Variants in MTA1 observed in about 807,000 individuals in gnomAD.
MTA1 encodes metastasis-associated protein MTA1.
MTA1 carries 15 observed loss-of-function variants against 97.0 expected under a neutral mutation model. That is an observed-to-expected ratio of 0.15 (90% CI 0.10 to 0.24). The LOEUF (loss-of-function observed/expected upper bound fraction) is 0.24, where lower values mean the gene tolerates loss of function less well. Ranked by LOEUF, MTA1 falls within the 10% of genes least tolerant of loss-of-function variation. The probability of loss-of-function intolerance (pLI) is 1.00; values close to 1 mark genes in which losing one functional copy is unlikely to be tolerated. For missense variants in MTA1, 709 were observed against 1,015.1 expected, an observed-to-expected ratio of 0.70 and a Z score of 4.10; for synonymous variants, 435 against 417.5, an observed-to-expected ratio of 1.04 and a Z score of -0.51.
chr14:105,448,066 C>G (rs962542383), intron 3 of MTA1, among the ~76,000 whole-genome samples: 14 of 152,262 alleles, frequency 9.2e-5, no homozygotes, highest in Admixed American at 2.0e-4. Context: ...GCCCTCCCCC[C>G]GGCAGGGCTG....
intron 7 of MTA1, 119 bp downstream of exon 7, chr14:105,454,429 G>A (rs910222080): frequency 4.1e-6 from 3 of 723,434 alleles, no homozygotes; most frequent in South Asian, 1.5e-5. Context: ...GACTGGGGGC[G>A]GCAGGTGTAG....
intron 2 of MTA1, among the ~76,000 whole-genome samples, chr14:105,439,978 C>T (rs782391690): frequency 3.9e-5 from 6 of 152,198 alleles, no homozygotes; most frequent in Admixed American, 6.5e-5. Flanking sequence ...CTCCGGGCTT[C>T]CCTGGCTGCG....
At chr14:105,437,037 G>T (rs1320443590) in intron 1 of MTA1, among the ~76,000 whole-genome samples, 2 of 152,212 alleles carry the variant, frequency 1.3e-5, no homozygotes, top group Admixed American at 6.5e-5. Flanking sequence ...GGGCACCGTG[G>T]CTGTGTCCCC....
chr14:105,469,208 GGTCCAA>G, intron 18 of MTA1: 1 of 613,252 alleles, frequency 1.6e-6, no homozygotes, highest in Non-Finnish European at 3.0e-6. Flanking sequence ...GTGACTGTCG[GGTCCAA>G]GGCTCCTGGC....
chr14:105,424,219 G>A lies in MTA1; in HGVS notation c.28+4156G>A, dbSNP rs2081940013. Among the ~76,000 whole-genome samples, 1 of 152,212 alleles carries A rather than the reference G, an allele frequency of 6.6e-6. No homozygotes were observed. Among genetic ancestry groups the A allele is most frequent in the African/African-American group, 2.4e-5 (1 of 41,460 alleles). ...GCTCCACCTTTGTTTTTTTGAGACG[G>A]AGTCTCGCTCTGTCCCCCAGGCTGG... On this transcript the variant is annotated intron_variant, in intron 1 of 20. Coordinates refer to ENST00000331320, the MANE Select transcript of MTA1 (RefSeq NM_004689.4). This position sits in a 1 kb window ranked among gnomAD's most constrained non-coding sequence, Gnocchi z 4.0.
At position 105,450,047 on chromosome 14, in the gene MTA1, T is replaced by C; in HGVS notation, c.242-11T>C. On this transcript the variant is annotated splice_polypyrimidine_tract_variant and intron_variant, in intron 4 of 20. Coordinates refer to ENST00000331320, the MANE Select transcript of MTA1 (RefSeq NM_004689.4). Reference sequence around the variant, plus strand: ...CTGCCGCGGTGCTGACAGGGGCTCCTTGTCCTTCAGGGGAAATAGAAGAGG... The same window carrying C: ...CTGCCGCGGTGCTGACAGGGGCTCCCTGTCCTTCAGGGGAAATAGAAGAGG... 6.2e-7 allele frequency: 1 copy of C among 1,613,442 alleles called. No individual in the cohort carries two copies.
At chr14:105,427,519 T>C (rs1474286727) in intron 1 of MTA1, among the ~76,000 whole-genome samples, 2 of 152,206 alleles carry the variant, frequency 1.3e-5, no homozygotes, top group Non-Finnish European at 2.9e-5. Flanking sequence ...ATAATAATTA[T>C]AAAGTTCTTT....
At chr14:105,443,260 G>A (rs2082604406) in intron 2 of MTA1, among the ~76,000 whole-genome samples, 1 of 152,202 alleles carries the variant, frequency 6.6e-6, no homozygotes, top group African/African-American at 2.4e-5. Context: ...AGATACAGAT[G>A]CGAAGGGGAG....
intron 3 of MTA1, 23 bp downstream of exon 3, chr14:105,445,534 T>C: frequency 6.2e-7 from 1 of 1,612,078 alleles, no homozygotes; most frequent in Non-Finnish European, 8.5e-7. Context: ...TTCCCTGGGG[T>C]GCCCGCCTGG....
At position 105,449,099 on chromosome 14, in the gene MTA1, G is replaced by A; in HGVS notation, c.191-260G>A. ...TGGAGTGGGGGCAGGGGTGGCCTCTGGACAGGGGCCCTCCACAGCCAGGCT... is the reference window on the plus strand; with the variant it reads ...TGGAGTGGGGGCAGGGGTGGCCTCTAGACAGGGGCCCTCCACAGCCAGGCT... On this transcript the variant is annotated intron_variant, in intron 3 of 20. Coordinates refer to ENST00000331320, the MANE Select transcript of MTA1 (RefSeq NM_004689.4). 6 of 484,650 alleles carry A rather than the reference G, an allele frequency of 1.2e-5. No homozygotes were observed. In the South Asian group the frequency reaches 1.8e-4, roughly 14 times the overall value. The allele number at this position is 484,650 out of a possible 1,614,324, so 30.0% of individuals were successfully genotyped here.
rs991205755 is a variant in MTA1, at chr14:105,424,716, G to A, written c.28+4653G>A. Among the ~76,000 whole-genome samples the A allele has an allele frequency of 1.3e-5, 2 of 150,476 alleles. No individual in the cohort carries two copies. Among genetic ancestry groups the A allele is most frequent in the Non-Finnish European group, 3.0e-5 (2 of 67,726 alleles). On this transcript the variant is annotated intron_variant, in intron 1 of 20. Coordinates refer to ENST00000331320, the MANE Select transcript of MTA1 (RefSeq NM_004689.4). The surrounding 1 kb of genome is among the most constrained non-coding windows in gnomAD (Gnocchi z 4.0). ...TCACCATCTAGGCCAGGCTGGTCTC[G>A]AACTCCTGACCTCAAGTGATCCACC... is the stretch of plus-strand genomic sequence containing the variant.
At chr14:105,460,295 C>T (rs2083302427) in intron 8 of MTA1, 63 bp from the exon 9 acceptor site, 9 of 1,443,632 alleles carry the variant, frequency 6.2e-6, no homozygotes, top group Admixed American at 4.4e-5. Flanking sequence ...GCCTGGGGAG[C>T]GGTGTGCCTG....
intron 6 of MTA1, among the ~76,000 whole-genome samples, chr14:105,452,540 C>T (rs782191393): frequency 4.6e-5 from 7 of 152,180 alleles, no homozygotes; most frequent in East Asian, 1.9e-4. Context: ...ATTAGCCAGG[C>T]GTGGTGGTGC....
rs191230167 is a variant in MTA1 at position 105,456,023 on chromosome 14, A to G, written c.550+1713A>G. On this transcript the variant is annotated intron_variant, in intron 7 of 20. Coordinates refer to ENST00000331320, the MANE Select transcript of MTA1 (RefSeq NM_004689.4). ...CTGAGGCCTGTGGGTCTGAGTGTGG[A>G]GAGGCCACTGTGCTGGGGCCCGGCC... 4.5e-3 allele frequency among the ~76,000 whole-genome samples: 671 copies of G among 147,922 alleles called. 15 individuals are homozygous for G. Among genetic ancestry groups the G allele is most frequent in the African/African-American group, 0.016 (616 of 39,062 alleles).
chr14:105,451,592 G>A (rs1317508839), intron 6 of MTA1, among the ~76,000 whole-genome samples: 1 of 152,142 alleles, frequency 6.6e-6, no homozygotes, highest in Admixed American at 6.5e-5. Flanking sequence ...GTATCTGTGG[G>A]CACAGAAAAT....
chr14:105,426,099 G>C (rs969051956), intron 1 of MTA1, among the ~76,000 whole-genome samples: 1 of 152,092 alleles, frequency 6.6e-6, no homozygotes, highest in African/African-American at 2.4e-5. Flanking sequence ...GCCCTTTCAC[G>C]GTCAGGGCCT....
chr14:105,453,957 C>T (rs2083043980), intron 6 of MTA1, among the ~76,000 whole-genome samples: 2 of 152,230 alleles, frequency 1.3e-5, no homozygotes, highest in South Asian at 4.1e-4. Context: ...CTCCTCCGTG[C>T]AGTGTCATGG....
At chr14:105,461,196 C>T (rs1270231572) in intron 10 of MTA1, among the ~76,000 whole-genome samples, 4 of 152,198 alleles carry the variant, frequency 2.6e-5, no homozygotes, top group Non-Finnish European at 5.9e-5. Context: ...AGCCATGCTC[C>T]TGCCACCATT....
chr14:105,449,393 G>C lies in MTA1; in HGVS notation c.225G>C (p.Ala75=), dbSNP rs782743717. 1 of 1,612,190 alleles carries C rather than the reference G, an allele frequency of 6.2e-7. No individual in the cohort carries two copies. The highest frequency in any genetic ancestry group is 1.1e-5 in the South Asian group (1 of 90,944). ...LSVCYKAGPG[A]DNGEEGEIEE... ...TCTGCTATAAGGCCGGACCGGGGGC[G>C]GACAACGGCGAGGAAGGTAAGAGCC... Residue 75 remains alanine, a synonymous_variant, in exon 4 of 21, where the codon GCG becomes GCC. Coordinates refer to ENST00000331320, the MANE Select transcript of MTA1 (RefSeq NM_004689.4).
Sources: gnomAD v4.1 joint callset for allele counts (sites outside exome capture counted in the v4.1 genomes callset) on GRCh38, gnomAD v4.1.1 for gene constraint, Gnocchi (gnomAD v3.1) non-coding constraint, MANE v1.5 for transcripts, NCBI Gene and HGNC (gene_info 2026-07-23, HGNC 2026-07-21) for gene names.